Variants in APOB observed in about 807,000 individuals in gnomAD.
APOB encodes the protein apolipoprotein B-100.
In APOB, 153 loss-of-function variants were observed where a neutral mutation model predicts 314.1. The observed-to-expected ratio is 0.49, with a 90% CI of 0.43 to 0.56. The LOEUF (loss-of-function observed/expected upper bound fraction) is 0.56. APOB is among the 20% of genes least tolerant of loss of function. APOB has a pLI of 0.00. For synonymous variants in APOB, 2,087 were observed against 2,036.4 expected (o/e 1.02, Z -0.67); for missense variants, 5,430 against 5,350.7 (o/e 1.01, Z -0.46).
Position 21,011,271 on chromosome 2 carries a change from T to C in APOB, c.5597A>G (p.His1866Arg), listed in dbSNP as rs1663313243. 2 of 1,614,100 alleles carry C rather than the reference T, an allele frequency of 1.2e-6. No individual in the cohort carries two copies. Among genetic ancestry groups the C allele is most frequent in the African/African-American group, 1.3e-5 (1 of 74,946 alleles). ...VAKVQGVEFS[H>R]RLNTDIAGLA... is the part of the protein sequence containing the mutation. The stretch of plus-strand genomic sequence containing the variant: ...CCCAGCGATGTCTGTGTTGAGCCGA[T>C]GGCTAAACTCCACACCCTGAACCTT... Residue 1866 changes from histidine to arginine, a missense_variant, in exon 26 of 29, where the codon CAT becomes CGT. Physicochemically the swap from His to Arg is conservative, Grantham distance 29. Coordinates refer to ENST00000233242, the MANE Select transcript of APOB (RefSeq NM_000384.3).
At position 21,002,261 on chromosome 2, in the gene APOB, T is replaced by C. The variant is rs1443015182; in HGVS notation, c.13161A>G (p.Glu4387=). The change falls in exon 29 of 29, where the codon GAA becomes GAG. Residue 4387 remains glutamate (E), a synonymous_variant. Coordinates refer to ENST00000233242, the MANE Select transcript of APOB (RefSeq NM_000384.3). ...AGCCAACTATACTTGGATCAAAATA[T>C]TCTTCACGAAGGGCCATAATGTATT... The part of the protein sequence containing the change: ...IHQYIMALRE[E]YFDPSIVGWT... 11 of 1,614,026 alleles carry C rather than the reference T, an allele frequency of 6.8e-6. No individual in the cohort carries two copies. Among genetic ancestry groups the C allele is most frequent in the Non-Finnish European group, 9.3e-6 (11 of 1,179,984 alleles).
At chr2:21,035,058 A>G in intron 7 of APOB, among the ~76,000 whole-genome samples, 157 bp from the exon 8 acceptor site, 1 of 152,074 alleles carries the variant, frequency 6.6e-6, no homozygotes. Flanking sequence ...AATAACATCC[A>G]CCTCTTCCTG....
In APOB at chr2:21,019,750, G is replaced by A. The variant is rs1188407566; in HGVS notation, c.2972C>T (p.Ser991Phe). The stretch of plus-strand genomic sequence containing the variant: ...GGTGTCCCCGGTCAGCGGATAGTAG[G>A]AGGCGGAGTCTGTGGAGCTGGCGTT... ...YSNASSTDSA[S>F]YYPLTGDTRL... is the part of the protein sequence containing the mutation. The change falls in exon 19 of 29, where the codon TCC (serine) becomes TTC (phenylalanine). Residue 991 changes from serine (S) to phenylalanine (F), a missense_variant. Physicochemically the swap from Ser to Phe is radical, Grantham distance 155. Coordinates refer to ENST00000233242, the MANE Select transcript of APOB (RefSeq NM_000384.3). 1.9e-6 allele frequency: 3 copies of A among 1,614,198 alleles called. No homozygotes were observed. Among genetic ancestry groups the A allele is most frequent in the South Asian group, 1.1e-5 (1 of 91,074 alleles).
At chr2:21,020,172 C>G (rs12720785) in intron 18 of APOB, among the ~76,000 whole-genome samples, 587 of 152,294 alleles carry the variant, frequency 3.9e-3, no homozygotes, top group Admixed American at 6.2e-3. Flanking sequence ...TCTCATTTTA[C>G]AGAAGCAGAG....
chr2:21,027,018 A>C (rs1663746793), intron 14 of APOB, 54 bp from the exon 15 acceptor site: 1 of 1,529,708 alleles, frequency 6.5e-7, no homozygotes, highest in African/African-American at 1.4e-5. Context: ...GTTGTATGCC[A>C]GCCTAGTAGT....
chr2:21,029,677 C>G lies in APOB; in HGVS notation c.1579G>C (p.Ala527Pro), dbSNP rs1663828113. Residue 527 changes from alanine to proline, a missense_variant, in exon 12 of 29, where the codon GCC (alanine) becomes CCC (proline). Coordinates refer to ENST00000233242, the MANE Select transcript of APOB (RefSeq NM_000384.3). Reference sequence around the variant, plus strand: ...TCCATTTTCCGCAGAGCCTGGATGGCAGCTTTCTGGATCATCAGTGATGGC... The same window carrying G: ...TCCATTTTCCGCAGAGCCTGGATGGGAGCTTTCTGGATCATCAGTGATGGC... ...TKPSLMIQKA[A>P]IQALRKMEPK... The G allele has an allele frequency of 6.2e-7, 1 of 1,614,196 alleles. No individual in the cohort carries two copies. The highest frequency in any genetic ancestry group is 2.2e-5 in the East Asian group (1 of 44,880).
intron 4 of APOB, 71 bp from the exon 5 acceptor site, chr2:21,038,182 C>A: frequency 6.5e-7 from 1 of 1,546,384 alleles, no homozygotes; most frequent in Non-Finnish European, 8.9e-7. Flanking sequence ...AGCTGGGTGG[C>A]ACTGAAGTTT....
In APOB at chr2:21,003,132, A is replaced by G. The variant is rs1663038287; in HGVS notation, c.12290T>C (p.Leu4097Pro). ...TCTCAGCTTTGAAGACACTTCTCTC[A>G]GGGTGAGCCCTGTGTGTTCCCAGTG... is the stretch of plus-strand genomic sequence containing the variant. The part of the protein sequence containing the change: ...KYHWEHTGLT[L>P]REVSSKLRRN... The change falls in exon 29 of 29, where the codon CTG becomes CCG. Residue 4097 changes from leucine to proline, a missense_variant. Leu to Pro is a moderately conservative substitution (Grantham distance 98). Coordinates refer to ENST00000233242, the MANE Select transcript of APOB (RefSeq NM_000384.3). 1.9e-6 allele frequency: 3 copies of G among 1,608,206 alleles called. No individual in the cohort carries two copies. Among genetic ancestry groups the G allele is most frequent in the Non-Finnish European group, 2.6e-6 (3 of 1,176,308 alleles).
Position 21,040,513 on chromosome 2 carries a change from G to A in APOB, c.383+425C>T, listed in dbSNP as rs368754635. 1.4e-4 allele frequency among the ~76,000 whole-genome samples: 22 copies of A among 152,164 alleles called. 1 individual carries two copies. Among genetic ancestry groups the A allele is most frequent in the African/African-American group, 4.3e-4 (18 of 41,440 alleles). ...CAGTGGCTGAATGCCAGCCTAGGAG[G>A]GGGAGCCACCGAAGCCTTGGTGCTC... On this transcript the variant is annotated intron_variant, in intron 4 of 28. Transcript: ENST00000233242.
chr2:21,037,871 T>G, intron 5 of APOB, 87 bp downstream of exon 5: 495 of 1,510,686 alleles, frequency 3.3e-4, no homozygotes, highest in Non-Finnish European at 4.1e-4. Context: ...GCTGACTCAG[T>G]GATCTGCTTT....
chr2:21,008,662 G>A lies in APOB; in HGVS notation c.8206C>T (p.Leu2736Phe). ...LNLNDFQVPD[L>F]HIPEFQLPHI... Reference sequence around the variant, plus strand: ...GGAAGCTGGAATTCTGGTATGTGAAGGTCAGGAACTTGAAAATCATTAAGG... The same window carrying A: ...GGAAGCTGGAATTCTGGTATGTGAAAGTCAGGAACTTGAAAATCATTAAGG... The change falls in exon 26 of 29, where the codon CTT becomes TTT. Residue 2736 changes from leucine (L) to phenylalanine (F), a missense_variant. Physicochemically the swap from Leu to Phe is conservative, Grantham distance 22 (BLOSUM62 0). Coordinates refer to ENST00000233242, the MANE Select transcript of APOB (RefSeq NM_000384.3). 6.2e-7 allele frequency: 1 copy of A among 1,614,066 alleles called. No homozygotes were observed. Among genetic ancestry groups the A allele is most frequent in the East Asian group, 2.2e-5 (1 of 44,874 alleles).
intron 21 of APOB, 86 bp from the exon 22 acceptor site, chr2:21,015,631 G>A (rs1663446808): frequency 2.1e-6 from 3 of 1,419,174 alleles, no homozygotes; most frequent in East Asian, 2.3e-5. Context: ...CATTTGTGGT[G>A]ATCAAAACCA....
In APOB at chr2:21,037,140, A is replaced by T; in HGVS notation, c.653T>A (p.Ile218Asn). 3 of 1,614,172 alleles carry T rather than the reference A, an allele frequency of 1.9e-6. No homozygotes were observed. The highest frequency in any genetic ancestry group is 2.5e-6 in the Non-Finnish European group (3 of 1,180,034). The change falls in exon 6 of 29, where the codon ATC (isoleucine) becomes AAC (asparagine). Residue 218 changes from isoleucine to asparagine, a missense_variant. Coordinates refer to ENST00000233242, the MANE Select transcript of APOB (RefSeq NM_000384.3). Reference protein sequence around the residue: ...DLGQCDRFKPIRTGISPLALI... With the variant: ...DLGQCDRFKPNRTGISPLALI... The stretch of plus-strand genomic sequence containing the variant: ...AGCAAGTGGGCTGATGCCTGTGCGG[A>T]TGGGCTTGAAGCGATCACACTGCCC...
At position 21,006,488 on chromosome 2, in the gene APOB, A is replaced by G. The variant is rs1337232483; in HGVS notation, c.10380T>C (p.Phe3460=). The change falls in exon 26 of 29, where the codon TTT becomes TTC. Residue 3460 remains phenylalanine (F), a synonymous_variant. Transcript: ENST00000233242. ...SKPTVSSSME[F]KYDFNSSMLY... is the part of the protein sequence containing the mutation. ...GCATTGAAGAATTGAAATCATACTT[A>G]AATTCCATGGAGGAAGAGACAGTAG... is the stretch of plus-strand genomic sequence containing the variant. The G allele has an allele frequency of 1.2e-5, 19 of 1,613,972 alleles. No homozygotes were observed. Among genetic ancestry groups the G allele is most frequent in the Non-Finnish European group, 1.5e-5 (18 of 1,179,934 alleles).
intron 18 of APOB, among the ~76,000 whole-genome samples, chr2:21,021,056 A>G (rs1051907960): frequency 6.6e-6 from 1 of 152,222 alleles, no homozygotes; most frequent in Non-Finnish European, 1.5e-5. Context: ...GTGGAGCCCA[A>G]GCCTCTTTAC....
chr2:21,033,425 T>A lies in APOB; in HGVS notation c.998A>T (p.Lys333Ile). ...EAVLKTLQEL[K>I]KLTISEQNIQ... The stretch of plus-strand genomic sequence containing the variant: ...ATTTTGCTCAGAGATGGTTAGTTTT[T>A]TCAGTTCCTGGAGAGTCTTCAAAAC... Residue 333 changes from lysine (K) to isoleucine (I), a missense_variant, in exon 9 of 29, where the codon AAA becomes ATA. Coordinates refer to ENST00000233242, the MANE Select transcript of APOB (RefSeq NM_000384.3). The A allele has an allele frequency of 1.2e-6, 2 of 1,614,186 alleles. No homozygotes were observed.
At position 21,009,085 on chromosome 2, in the gene APOB, C is replaced by T. The variant is rs749167516; in HGVS notation, c.7783G>A (p.Gly2595Arg). The part of the protein sequence containing the change: ...FTVPEIKTIL[G>R]TMPAFEVSLQ... Reference sequence around the variant, plus strand: ...CTGACTTCAAAGGCAGGCATGGTCCCAAGGATGGTCTTGATTTCAGGAACA... The same window carrying T: ...CTGACTTCAAAGGCAGGCATGGTCCTAAGGATGGTCTTGATTTCAGGAACA... Residue 2595 changes from glycine to arginine, a missense_variant, in exon 26 of 29, where the codon GGG (glycine) becomes AGG (arginine). Physicochemically the swap from Gly to Arg is moderately radical, Grantham distance 125. Transcript: ENST00000233242. The T allele has an allele frequency of 3.1e-6, 5 of 1,613,930 alleles. No individual in the cohort carries two copies. The South Asian group carries it at 5.5e-5, about 18-fold the overall frequency.
At chr2:21,025,636 G>C (rs965289701) in intron 15 of APOB, among the ~76,000 whole-genome samples, 2 of 152,154 alleles carry the variant, frequency 1.3e-5, no homozygotes, top group African/African-American at 4.8e-5. Flanking sequence ...GAAACTGACA[G>C]ACTCAAAGCA....
At chr2:21,013,711 C>A (rs1289839847) in intron 24 of APOB, among the ~76,000 whole-genome samples, 178 bp from the exon 25 acceptor site, 1 of 152,116 alleles carries the variant, frequency 6.6e-6, no homozygotes, top group Non-Finnish European at 1.5e-5. Flanking sequence ...GTCAAACACT[C>A]AAATCCTGAC....
Sources: gnomAD v4.1 joint callset for allele counts (sites outside exome capture counted in the v4.1 genomes callset) on GRCh38, gnomAD v4.1.1 for gene constraint, MANE v1.5 for transcripts, NCBI Gene and HGNC (gene_info 2026-07-23, HGNC 2026-07-21) for gene names.